ANKRD26: variants seen among roughly 807,000 people sequenced by gnomAD.
ANKRD26 encodes ankyrin repeat domain 26.
Under a neutral mutation model 208.7 loss-of-function variants are expected in ANKRD26, and 141 were observed. The observed-to-expected ratio is 0.68, with a 90% CI of 0.59 to 0.78. The LOEUF (loss-of-function observed/expected upper bound fraction) is 0.78. Among genes scored for constraint, ANKRD26 ranks in the 30% least tolerant of loss-of-function variants. ANKRD26 has a pLI of 0.00. For missense variants in ANKRD26, 1,889 were observed against 1,938.7 expected (o/e 0.97, Z 0.48); for synonymous variants, 636 against 660.4 (o/e 0.96, Z 0.57).
intron 15 of ANKRD26, among the ~76,000 whole-genome samples, chr10:27,057,898 C>A (rs2054897016): frequency 1.3e-5 from 2 of 151,252 alleles, no homozygotes; most frequent in African/African-American, 4.9e-5. Context: ...GATCGTGCCA[C>A]CGCACTCCAG....
chr10:27,018,654 C>G (rs1488366085), intron 29 of ANKRD26, among the ~76,000 whole-genome samples: 1 of 151,986 alleles, frequency 6.6e-6, no homozygotes, highest in Non-Finnish European at 1.5e-5. Context: ...GGTGTTAAGG[C>G]CACAGAATAA....
chr10:27,002,310 GAAC>G (rs1486119880), downstream of ANKRD26, among the ~76,000 whole-genome samples: 1 of 152,176 alleles, frequency 6.6e-6, no homozygotes, highest in East Asian at 1.9e-4. Context: ...GCAGATTCTT[GAAC>G]AACATCATTT....
At chr10:27,060,439 A>C (rs1295314647) in intron 14 of ANKRD26, 22 bp from the exon 15 acceptor site, 2 of 1,589,154 alleles carry the variant, frequency 1.3e-6, no homozygotes, top group African/African-American at 2.7e-5. Flanking sequence ...TTGAAACAAA[A>C]TGATTAATAA....
intron 15 of ANKRD26, among the ~76,000 whole-genome samples, 182 bp downstream of exon 15, chr10:27,060,163 A>T (rs954593754): frequency 4.6e-5 from 7 of 152,206 alleles, no homozygotes; most frequent in Non-Finnish European, 8.8e-5. Context: ...AGATCACGCC[A>T]CTGCATTCTA....
intron 4 of ANKRD26, among the ~76,000 whole-genome samples, chr10:27,090,378 G>A (rs764609581): frequency 3.0e-4 from 46 of 152,186 alleles, no homozygotes; most frequent in Admixed American, 6.5e-4. Context: ...GGGCAACAGA[G>A]CAAGACTCCA....
intron 1 of ANKRD26, among the ~76,000 whole-genome samples, chr10:27,096,882 C>T (rs2056484489): frequency 6.6e-6 from 1 of 151,700 alleles, no homozygotes; most frequent in Non-Finnish European, 1.5e-5. Flanking sequence ...AAATACTACG[C>T]ACTTACATTA....
intron 15 of ANKRD26, among the ~76,000 whole-genome samples, chr10:27,058,610 T>C (rs960679071): frequency 6.0e-5 from 9 of 151,244 alleles, no homozygotes; most frequent in Admixed American, 5.3e-4. Context: ...CCAGTCTCAC[T>C]CTATCGCCAG....
chr10:27,042,678 A>G (rs1459053504), intron 20 of ANKRD26, among the ~76,000 whole-genome samples: 3 of 151,930 alleles, frequency 2.0e-5, no homozygotes, highest in Admixed American at 1.3e-4. Context: ...GCGTGAACCC[A>G]GGAGGCAGAC....
chr10:26,949,810 G>C, the ANKRD26 span, among the ~76,000 whole-genome samples: 1 of 152,122 alleles, frequency 6.6e-6, no homozygotes, highest in Non-Finnish European at 1.5e-5. Flanking sequence ...GCCTCTTATA[G>C]TTATTTTAAT....
intron 6 of ANKRD26, chr10:27,080,847 T>C (rs1017094072): frequency 2.0e-6 from 2 of 985,280 alleles, no homozygotes; most frequent in African/African-American, 3.5e-5. Context: ...AACTCCATGA[T>C]TTGGGTTGCT....
chr10:26,991,394 G>A (rs2052483214), downstream of ANKRD26, among the ~76,000 whole-genome samples: 1 of 152,116 alleles, frequency 6.6e-6, no homozygotes, highest in Admixed American at 6.6e-5. Context: ...TGATTTTGAG[G>A]GCTTCAATAT....
the ANKRD26 span, among the ~76,000 whole-genome samples, chr10:26,963,917 T>TTTTTTTTTTTG: frequency 7.2e-6 from 1 of 138,564 alleles, no homozygotes; most frequent in African/African-American, 2.7e-5. Flanking sequence ...TTTTTTTTTT[T>TTTTTTTTTTTG]TTTTTTTTTT....
chr10:27,086,761 CTTTTTTGTTT>C, intron 4 of ANKRD26, 152 bp from the exon 5 acceptor site: 2 of 376,460 alleles, frequency 5.3e-6, no homozygotes, highest in Non-Finnish European at 8.1e-6. Context: ...GCTCTACAAA[CTTTTTTGTTT>C]TTTTTTTTTT....
downstream of ANKRD26, among the ~76,000 whole-genome samples, chr10:26,988,686 T>G (rs117202576): frequency 0.017 from 2,587 of 152,132 alleles, 163 homozygotes; most frequent in East Asian, 0.17. Flanking sequence ...TGGGTACAGC[T>G]GATAGAAGGG....
chr10:26,987,007 A>G (rs1464744762), downstream of ANKRD26, among the ~76,000 whole-genome samples: 1 of 152,202 alleles, frequency 6.6e-6, no homozygotes, highest in East Asian at 1.9e-4. Flanking sequence ...ACTATTCACA[A>G]TAGCAAAGAC....
the ANKRD26 span, among the ~76,000 whole-genome samples, chr10:26,949,262 T>C: frequency 3.3e-5 from 5 of 152,296 alleles, no homozygotes; most frequent in South Asian, 2.1e-4. Flanking sequence ...GTTGCCTTAA[T>C]TGAAGTATGA....
chr10:26,997,008 G>A (rs2052607835), intron 4 of ANKRD26, among the ~76,000 whole-genome samples: 1 of 151,696 alleles, frequency 6.6e-6, no homozygotes, highest in Non-Finnish European at 1.5e-5. Flanking sequence ...TTTGTTTTGG[G>A]TTGTTTTTGT....
In ANKRD26 at chr10:27,014,596, T is replaced by C; in HGVS notation, c.4622A>G (p.Lys1541Arg). The C allele has an allele frequency of 6.2e-7, 1 of 1,612,012 alleles. No individual in the cohort carries two copies. The highest frequency in any genetic ancestry group is 1.1e-5 in the South Asian group (1 of 90,740). ...TTTATTAAAGTCTTCTTGAGAAGTT[T>C]TTATTTTGGAGAGTTCAGATTCCAG... is the stretch of plus-strand genomic sequence containing the variant. ...KDLESELSKI[K>R]TSQEDFNKTE... The change falls in exon 31 of 34, where the codon AAA becomes AGA. Residue 1541 changes from lysine (K) to arginine (R), a missense_variant. This residue lies in a region of ANKRD26 where 613 missense variants were observed against 648.2 expected (regional missense o/e 0.95). Transcript: ENST00000376087.
rs149123243 is a variant in ANKRD26, at chr10:26,977,646, C to T, written c.*282-1604G>A. Among the ~76,000 whole-genome samples, 546 of 152,236 alleles carry T rather than the reference C, an allele frequency of 3.6e-3. 2 individuals carry two copies. Among genetic ancestry groups the T allele is most frequent in the Non-Finnish European group, 6.1e-3 (413 of 68,018 alleles). On this transcript the variant is annotated intron_variant and NMD_transcript_variant, in intron 5 of 5. Transcript: ENST00000674670. ...AGGGATGTAAACTAAGGATTGATTGCCTTGTATACAATGGTAGGCTAAATT... is the reference window on the plus strand; with the variant it reads ...AGGGATGTAAACTAAGGATTGATTGTCTTGTATACAATGGTAGGCTAAATT...
Sources: gnomAD v4.1 joint callset for allele counts (sites outside exome capture counted in the v4.1 genomes callset) on GRCh38, gnomAD v4.1.1 for gene constraint, gnomAD v4.1.1 regional missense constraint, MANE v1.5 for transcripts, NCBI Gene and HGNC (gene_info 2026-07-23, HGNC 2026-07-21) for gene names.